PHEX: variants seen among roughly 807,000 people sequenced by gnomAD.
The protein encoded by PHEX is phosphate-regulating neutral endopeptidase PHEX.
A neutral mutation model predicts 68.0 loss-of-function variants in PHEX; 16 were observed. The ratio of observed to expected loss-of-function variants is 0.24; its 90% CI spans 0.16 to 0.36. The LOEUF (loss-of-function observed/expected upper bound fraction) is 0.36, where lower values mean the gene tolerates loss of function less well. Ranked by LOEUF, PHEX falls within the 10% of genes least tolerant of loss-of-function variation. PHEX has a pLI of 1.00. For synonymous variants in PHEX, 208 were observed against 205.1 expected, an observed-to-expected ratio of 1.01 and a Z score of -0.12; for missense variants, 480 against 575.5, an observed-to-expected ratio of 0.83 and a Z score of 1.70.
chrX:22,078,574 T>G (rs1189440541), intron 5 of PHEX, among the ~76,000 whole-genome samples: 1 of 112,245 alleles, frequency 8.9e-6, no homozygotes, highest in Admixed American at 9.5e-5. Context: ...CTCATGCATT[T>G]TAACCTTCTA....
chrX:22,111,576 T>C lies in PHEX; in HGVS notation c.1173+16T>C. On this transcript the variant is annotated intron_variant, in intron 10 of 21. Transcript: ENST00000379374. ...ATTCTCAAGGGTAAGTTTAAGAAGA[T>C]TGCAGTGTTACATCGCTGGATAACT... 1 of 1,083,578 alleles carries C rather than the reference T, an allele frequency of 9.2e-7. No individual in the cohort carries two copies. The highest frequency in any genetic ancestry group is 1.3e-6 in the Non-Finnish European group (1 of 778,126). 89.3% of individuals were successfully genotyped at this position (1,083,578 alleles called of 1,213,427 possible). A position where few individuals can be genotyped will look rare whatever the true frequency, so the allele number is the denominator to read the frequency against.
At chrX:22,130,603 TC>T (rs1046288946) in intron 11 of PHEX, among the ~76,000 whole-genome samples, 5 of 108,226 alleles carry the variant, frequency 4.6e-5, no homozygotes, top group African/African-American at 1.7e-4. Flanking sequence ...AAAGATCTAG[TC>T]CCCGGAGATT....
intron 15 of PHEX, among the ~76,000 whole-genome samples, chrX:22,192,925 T>C (rs772851229): frequency 1.8e-5 from 2 of 110,899 alleles, no homozygotes; most frequent in South Asian, 7.5e-4. Context: ...CTGCCCGACT[T>C]CGGTCTGAGA....
intron 15 of PHEX, among the ~76,000 whole-genome samples, chrX:22,206,671 C>A (rs967902394): frequency 1.8e-5 from 2 of 110,649 alleles, no homozygotes; most frequent in African/African-American, 3.3e-5. Flanking sequence ...CAGATAGTGG[C>A]GGAAAGTAGG....
At chrX:22,090,357 C>T in intron 5 of PHEX, 72 bp from the exon 6 acceptor site, 2 of 841,660 alleles carry the variant, frequency 2.4e-6, no homozygotes, top group Admixed American at 2.2e-5. Context: ...CAGACGATTT[C>T]ATCACTCTTG....
intron 11 of PHEX, among the ~76,000 whole-genome samples, chrX:22,125,616 T>G (rs1344868292): frequency 1.8e-5 from 2 of 111,673 alleles, no homozygotes; most frequent in Non-Finnish European, 3.8e-5. Flanking sequence ...CTAGGCTAAC[T>G]TACAGAGTCA....
chrX:22,106,604 T>C (rs954409371), intron 9 of PHEX, among the ~76,000 whole-genome samples: 3 of 109,720 alleles, frequency 2.7e-5, no homozygotes, highest in Non-Finnish European at 5.7e-5. Flanking sequence ...ACCCTGTCTC[T>C]ACCAAAAATA....
rs1933031757 is a variant in PHEX at position 22,159,021 on chromosome X, C to G, written c.1405-9291C>G. The stretch of plus-strand genomic sequence containing the variant: ...AGACTTTAGGGCAGGGAGTCAACTC[C>G]CAAGCAACTGAGATCTGTCGCATGT... On this transcript the variant is annotated intron_variant, in intron 12 of 21. Coordinates refer to ENST00000379374, the MANE Select transcript of PHEX (RefSeq NM_000444.6). Among the ~76,000 whole-genome samples the G allele has an allele frequency of 2.7e-5, 3 of 112,882 alleles. No homozygotes were observed. The Admixed American group carries it at 2.8e-4, about 11-fold the overall frequency.
At chrX:22,076,529 C>G in intron 4 of PHEX, 55 bp downstream of exon 4, 4 of 761,663 alleles carry the variant, frequency 5.3e-6, no homozygotes, top group Non-Finnish European at 6.1e-6. Flanking sequence ...CTTTAGAGTT[C>G]TATTAATGTT....
chrX:22,223,915 C>T (rs1456422631), intron 18 of PHEX, among the ~76,000 whole-genome samples: 3 of 112,834 alleles, frequency 2.7e-5, no homozygotes, highest in South Asian at 3.6e-4. Flanking sequence ...ATCCCAGTGA[C>T]ATGCGAGCAG....
chrX:22,201,177 T>G (rs1452347610), intron 15 of PHEX, among the ~76,000 whole-genome samples: 1 of 110,836 alleles, frequency 9.0e-6, no homozygotes, highest in Non-Finnish European at 1.9e-5. Context: ...CTGCTACAAC[T>G]TTTTTGTTTT....
At chrX:22,087,078 T>C (rs1308991102) in intron 5 of PHEX, among the ~76,000 whole-genome samples, 1 of 112,103 alleles carries the variant, frequency 8.9e-6, no homozygotes, top group African/African-American at 3.2e-5. Flanking sequence ...CTAGAAACCA[T>C]AACAATCTGA....
intron 11 of PHEX, among the ~76,000 whole-genome samples, chrX:22,119,738 G>A (rs1931404164): frequency 9.2e-6 from 1 of 108,772 alleles, no homozygotes; most frequent in East Asian, 2.9e-4. Context: ...GATTACAGGT[G>A]TGCACCACCA....
chrX:22,109,217 A>T (rs1382668469), intron 9 of PHEX, among the ~76,000 whole-genome samples: 1 of 111,937 alleles, frequency 8.9e-6, no homozygotes, highest in African/African-American at 3.2e-5. Flanking sequence ...GACAATGGCA[A>T]TCTGACAAAG....
At position 22,249,455 on chromosome X, in the gene PHEX, A is replaced by AAATATATATATATATATAT; in HGVS notation, c.*1503_*1504insATATATATATATATATATA. 3.8e-4 allele frequency: 15 copies of AAATATATATATATATATAT among 39,758 alleles called. No individual in the cohort carries two copies. The highest frequency in any genetic ancestry group is 1.3e-3 in the African/African-American group (8 of 6,017). 3.3% of individuals were successfully genotyped at this position (39,758 alleles called of 1,213,427 possible). ...TTGTGATTCTTTTAAAAAAAAAAAA[A>AAATATATATATATATATAT]ATATATATATATATATATATATATA... is the stretch of plus-strand genomic sequence containing the variant. On this transcript the variant is annotated 3_prime_UTR_variant, in exon 22 of 22. Transcript: ENST00000379374.
intron 9 of PHEX, among the ~76,000 whole-genome samples, chrX:22,110,580 A>G (rs974373821): frequency 3.3e-4 from 35 of 107,244 alleles, no homozygotes; most frequent in African/African-American, 1.2e-3. Context: ...TACATTAGGT[A>G]TATCTCCTAA....
intron 11 of PHEX, among the ~76,000 whole-genome samples, chrX:22,118,586 C>T (rs1280355707): frequency 9.0e-6 from 1 of 110,543 alleles, no homozygotes; most frequent in Non-Finnish European, 1.9e-5. Context: ...AAGAGACTCC[C>T]GCCCCACTTC....
chrX:22,064,256 A>G (rs1442614924), intron 3 of PHEX, among the ~76,000 whole-genome samples: 1 of 111,005 alleles, frequency 9.0e-6, no homozygotes, highest in Non-Finnish European at 1.9e-5. Flanking sequence ...CACTAAGCAT[A>G]GTACCTGATG....
chrX:22,229,459 T>C (rs1186189381), intron 20 of PHEX, among the ~76,000 whole-genome samples: 1 of 112,425 alleles, frequency 8.9e-6, no homozygotes, highest in Non-Finnish European at 1.9e-5. Context: ...TGGTATCTCA[T>C]AGTGGTTTTG....
Sources: gnomAD v4.1 joint callset for allele counts (sites outside exome capture counted in the v4.1 genomes callset) on GRCh38, gnomAD v4.1.1 for gene constraint, MANE v1.5 for transcripts, NCBI Gene and HGNC (gene_info 2026-07-23, HGNC 2026-07-21) for gene names.